The following GPC6 variants were observed in gnomAD, a reference collection of about 807,000 sequenced individuals.
The protein encoded by GPC6 is glypican-6.
In GPC6, 14 loss-of-function variants were observed where a neutral mutation model predicts 55.2. The ratio of observed to expected loss-of-function variants is 0.25; its 90% CI spans 0.17 to 0.40. The LOEUF is 0.40. Ranked by LOEUF, GPC6 falls within the 10% of genes least tolerant of loss-of-function variation. The pLI, the probability that GPC6 is intolerant of heterozygous loss-of-function variation, is 1.00. For missense variants in GPC6, 641 were observed against 708.5 expected (o/e 0.90, Z 1.08); for synonymous variants, 278 against 259.6 (o/e 1.07, Z -0.68).
Position 93,406,818 on chromosome 13 carries a change from C to A in GPC6, c.161-138445C>A, listed in dbSNP as rs187713642. ...TCATTAAGGAACCATCAGAGAAGTA[C>A]GGAGCATGAGCTATTTCACGAAACA... is the stretch of plus-strand genomic sequence containing the variant. On this transcript the variant is annotated intron_variant, in intron 1 of 8. Transcript: ENST00000377047. Among the ~76,000 whole-genome samples the A allele has an allele frequency of 2.2e-4, 34 of 152,092 alleles. No homozygotes were observed. The East Asian group carries it at 4.3e-3, about 19-fold the overall frequency.
chr13:93,514,979 C>G (rs1294764283), intron 1 of GPC6, among the ~76,000 whole-genome samples: 2 of 152,164 alleles, frequency 1.3e-5, no homozygotes, highest in South Asian at 2.1e-4. Flanking sequence ...GCTCGCATCC[C>G]CAGTGTGATG....
chr13:94,228,417 GT>G (rs977483035), intron 4 of GPC6, among the ~76,000 whole-genome samples: 1 of 151,936 alleles, frequency 6.6e-6, no homozygotes, highest in African/African-American at 2.4e-5. Context: ...AGAAGAAGAT[GT>G]TTTTTCATAG....
At chr13:93,852,940 C>T (rs1387859213) in intron 3 of GPC6, among the ~76,000 whole-genome samples, 1 of 151,534 alleles carries the variant, frequency 6.6e-6, no homozygotes, top group Non-Finnish European at 1.5e-5. Flanking sequence ...AGTATTTAAT[C>T]AGTATTTTAA....
At chr13:93,276,481 AGAGAGAGAGAGAGAGTGTGT>A in intron 1 of GPC6, among the ~76,000 whole-genome samples, 1 of 134,194 alleles carries the variant, frequency 7.5e-6, no homozygotes, top group African/African-American at 3.2e-5. Flanking sequence ...AGAGAGAGAG[AGAGAGAGAGAGAGAGTGTGT>A]GTGTGTGTGT....
At chr13:93,251,840 T>C (rs1876795880) in intron 1 of GPC6, among the ~76,000 whole-genome samples, 1 of 152,224 alleles carries the variant, frequency 6.6e-6, no homozygotes, top group Non-Finnish European at 1.5e-5. Context: ...TAATAGAACT[T>C]TAAAAGGTGA....
At chr13:94,353,754 C>T (rs1389647277) in intron 6 of GPC6, among the ~76,000 whole-genome samples, 5 of 152,180 alleles carry the variant, frequency 3.3e-5, no homozygotes, top group Admixed American at 3.3e-4. Flanking sequence ...AATTAAATTT[C>T]TTGGGCTGTT....
rs180922087 is a variant in GPC6 at position 93,872,977 on chromosome 13, G to A, written c.711+42432G>A. 4.6e-5 allele frequency among the ~76,000 whole-genome samples: 7 copies of A among 151,956 alleles called. No homozygotes were observed. The East Asian group carries it at 1.4e-3, about 30-fold the overall frequency. On this transcript the variant is annotated intron_variant, in intron 3 of 8. Transcript: ENST00000377047. ...CTGCTTCTCAAAACACTAAAGGCTG[G>A]CATGGATTCAACAAAAGCTACAAAA...
chr13:93,869,981 C>T (rs146813783), intron 3 of GPC6, among the ~76,000 whole-genome samples: 56 of 151,974 alleles, frequency 3.7e-4, no homozygotes, highest in African/African-American at 1.3e-3. Flanking sequence ...GATCTCAGCT[C>T]AGCCTCACCT....
At chr13:94,245,369 G>A (rs1000699628) in intron 4 of GPC6, among the ~76,000 whole-genome samples, 1 of 151,474 alleles carries the variant, frequency 6.6e-6, no homozygotes, top group African/African-American at 2.4e-5. Context: ...GACCAAACTG[G>A]GTAACATAGC....
At chr13:93,623,462 T>TTC in intron 2 of GPC6, among the ~76,000 whole-genome samples, 10 of 141,478 alleles carry the variant, frequency 7.1e-5, no homozygotes, top group African/African-American at 2.4e-4. Context: ...TTTCTTTTTT[T>TTC]TTTTTTTTTT....
intron 1 of GPC6, among the ~76,000 whole-genome samples, chr13:93,278,027 TG>T (rs1445528592): frequency 1.3e-5 from 2 of 152,188 alleles, no homozygotes; most frequent in Non-Finnish European, 2.9e-5. Context: ...AAGAGTATAT[TG>T]ATACTGTAAT....
chr13:94,007,135 T>A (rs1338168576), intron 3 of GPC6, among the ~76,000 whole-genome samples: 3 of 152,196 alleles, frequency 2.0e-5, no homozygotes. Flanking sequence ...TCCTTCAGAT[T>A]CCTGAAATCC....
intron 5 of GPC6, among the ~76,000 whole-genome samples, chr13:94,290,944 C>G (rs1248560883): frequency 1.3e-5 from 2 of 152,210 alleles, no homozygotes; most frequent in East Asian, 3.9e-4. Context: ...ATAATCCCTG[C>G]ACTTTGGGAG....
At chr13:93,322,490 G>A (rs1348362556) in intron 1 of GPC6, among the ~76,000 whole-genome samples, 2 of 128,458 alleles carry the variant, frequency 1.6e-5, no homozygotes, top group Non-Finnish European at 3.1e-5. Context: ...AGGCTGGAGT[G>A]CAATGGTGCA....
At chr13:93,537,555 G>A (rs1882110107) in intron 1 of GPC6, among the ~76,000 whole-genome samples, 1 of 152,000 alleles carries the variant, frequency 6.6e-6, no homozygotes, top group African/African-American at 2.4e-5. Context: ...TACACGTGGA[G>A]CTTTTGTATT....
chr13:93,815,507 AT>A (rs1297661518), intron 2 of GPC6, among the ~76,000 whole-genome samples: 1 of 152,182 alleles, frequency 6.6e-6, no homozygotes, highest in South Asian at 2.1e-4. Context: ...GCAGTCACTA[AT>A]TGATACTTTA....
At chr13:93,566,689 A>C (rs746817930) in intron 2 of GPC6, among the ~76,000 whole-genome samples, 18 of 152,068 alleles carry the variant, frequency 1.2e-4, no homozygotes, top group Non-Finnish European at 2.2e-4. Context: ...TACATTAGGT[A>C]TTTCTCCTAA....
At chr13:94,050,463 T>C (rs1243362009) in intron 4 of GPC6, among the ~76,000 whole-genome samples, 1 of 152,194 alleles carries the variant, frequency 6.6e-6, no homozygotes, top group East Asian at 1.9e-4. Context: ...AACATCATTA[T>C]AATCTTCCAA....
chr13:93,363,363 C>T (rs1309569309), intron 1 of GPC6, among the ~76,000 whole-genome samples: 2 of 151,318 alleles, frequency 1.3e-5, no homozygotes, highest in African/African-American at 4.9e-5. Context: ...CAATTCCCAC[C>T]TATGAGTGAG....
Sources: gnomAD v4.1 joint callset for allele counts (sites outside exome capture counted in the v4.1 genomes callset) on GRCh38, gnomAD v4.1.1 for gene constraint, MANE v1.5 for transcripts, NCBI Gene and HGNC (gene_info 2026-07-23, HGNC 2026-07-21) for gene names.